TBC1D15: variants seen among roughly 807,000 people sequenced by gnomAD.
TBC1D15 encodes the protein GAP for RAB7.
In TBC1D15, 39 loss-of-function variants were observed where a neutral mutation model predicts 95.4. The ratio of observed to expected loss-of-function variants is 0.41; its 90% confidence interval spans 0.32 to 0.53. The LOEUF is 0.53. TBC1D15 is among the 20% of genes least tolerant of loss of function. TBC1D15 has a pLI of 0.29. For synonymous variants in TBC1D15, 258 were observed against 261.3 expected (o/e 0.99, Z 0.12); for missense variants, 733 against 794.3 (o/e 0.92, Z 0.93).
At position 71,894,810 on chromosome 12, in the gene TBC1D15, A is replaced by G; in HGVS notation, c.782A>G (p.Asp261Gly). The change falls in exon 7 of 17, where the codon GAT becomes GGT. Residue 261 changes from aspartate (D) to glycine (G), a missense_variant. Coordinates refer to ENST00000485960, the MANE Select transcript of TBC1D15 (RefSeq NM_001146213.3). Reference sequence around the variant, plus strand: ...CAACGACCACCTTCAGAAATGGCAGATTTTCTTAGTGATGCTATTCCAGGT... The same window carrying G: ...CAACGACCACCTTCAGAAATGGCAGGTTTTCTTAGTGATGCTATTCCAGGT... Reference protein sequence around the residue: ...THQRPPSEMADFLSDAIPGLK... With the variant: ...THQRPPSEMAGFLSDAIPGLK... 6.2e-7 allele frequency: 1 copy of G among 1,613,300 alleles called. No homozygotes were observed. The highest frequency in any genetic ancestry group is 8.5e-7 in the Non-Finnish European group (1 of 1,179,386).
At chr12:71,895,063 A>G (rs913056265) in intron 7 of TBC1D15, among the ~76,000 whole-genome samples, 180 bp downstream of exon 7, 2 of 152,004 alleles carry the variant, frequency 1.3e-5, no homozygotes, top group Non-Finnish European at 2.9e-5. Context: ...TTTGTTCTCT[A>G]TCTTATACTC....
intron 14 of TBC1D15, among the ~76,000 whole-genome samples, chr12:71,920,415 C>G (rs995779702): frequency 6.6e-6 from 1 of 152,164 alleles, no homozygotes; most frequent in Admixed American, 6.5e-5. Flanking sequence ...CTAACCCTTA[C>G]ACCTTAACCT....
chr12:71,916,930 T>C (rs954954064), intron 12 of TBC1D15, among the ~76,000 whole-genome samples: 3 of 152,232 alleles, frequency 2.0e-5, no homozygotes, highest in African/African-American at 4.8e-5. Flanking sequence ...TTGATGTTTA[T>C]GTGAAAAATT....
intron 16 of TBC1D15, among the ~76,000 whole-genome samples, chr12:71,921,824 C>A (rs1869469931): frequency 6.6e-6 from 1 of 152,046 alleles, no homozygotes; most frequent in South Asian, 2.1e-4. Flanking sequence ...ATAATTAAAT[C>A]AATATTATTT....
intron 1 of TBC1D15, among the ~76,000 whole-genome samples, chr12:71,848,945 A>C (rs770482410): frequency 5.9e-5 from 9 of 152,134 alleles, no homozygotes; most frequent in Non-Finnish European, 1.2e-4. Context: ...CTGTTGCCTC[A>C]CATCATGTCT....
At chr12:71,859,360 G>GTA (rs1418633165) in intron 1 of TBC1D15, among the ~76,000 whole-genome samples, 4 of 152,030 alleles carry the variant, frequency 2.6e-5, no homozygotes, top group African/African-American at 9.7e-5. Flanking sequence ...CTTGTTGGAT[G>GTA]TATAGTTTGC....
rs1398938175 is a variant in TBC1D15, at chr12:71,884,868, A to T, written c.401A>T (p.Asp134Val). 1.2e-6 allele frequency: 2 copies of T among 1,613,942 alleles called. No individual in the cohort carries two copies. Among genetic ancestry groups the T allele is most frequent in the Admixed American group, 1.7e-5 (1 of 60,002 alleles). ...SKWSFLFSLT[D>V]LKSIKQNKEG... ...TGGTCATTCCTGTTCAGTTTGACAG[A>T]CCTGAAATCAATCAAGCAAAACAAA... is the stretch of plus-strand genomic sequence containing the variant. The change falls in exon 5 of 17, where the codon GAC becomes GTC. Residue 134 changes from aspartate (D) to valine (V), a missense_variant. Transcript: ENST00000485960.
chr12:71,896,383 C>T (rs1254213324), intron 8 of TBC1D15: 3 of 430,474 alleles, frequency 7.0e-6, no homozygotes, highest in Non-Finnish European at 1.2e-5. Flanking sequence ...ATTCCAGTGG[C>T]ATTTGCCTTA....
Position 71,880,621 on chromosome 12 carries a change from C to A in TBC1D15, c.343+14C>A. ...ATACCAATGGAGGTATGAATTAAAT[C>A]TTTTGAAATCTTAAACTGATTTGCT... On this transcript the variant is annotated intron_variant, in intron 4 of 16. Transcript: ENST00000485960. 2 of 1,590,074 alleles carry A rather than the reference C, an allele frequency of 1.3e-6. No individual in the cohort carries two copies. The highest frequency in any genetic ancestry group is 4.5e-5 in the East Asian group (2 of 44,580).
At chr12:71,886,145 G>T (rs1283232557) in intron 5 of TBC1D15, among the ~76,000 whole-genome samples, 2 of 152,174 alleles carry the variant, frequency 1.3e-5, no homozygotes, top group African/African-American at 2.4e-5. Context: ...GAAGGGAGAA[G>T]TTGAGGTTTT....
chr12:71,871,023 C>G (rs890760640), intron 1 of TBC1D15, among the ~76,000 whole-genome samples: 6 of 151,966 alleles, frequency 3.9e-5, no homozygotes, highest in Non-Finnish European at 8.8e-5. Context: ...GTGAAAAGTT[C>G]TTAGGTCTAG....
intron 9 of TBC1D15, among the ~76,000 whole-genome samples, chr12:71,897,058 T>A (rs1429769256): frequency 6.6e-6 from 1 of 152,156 alleles, no homozygotes; most frequent in African/African-American, 2.4e-5. Context: ...ACTTGAAAGA[T>A]AACTACGTAG....
intron 1 of TBC1D15, among the ~76,000 whole-genome samples, chr12:71,845,301 C>T (rs1381088083): frequency 1.3e-5 from 2 of 152,012 alleles, no homozygotes; most frequent in Admixed American, 6.6e-5. Flanking sequence ...ACATTATGCA[C>T]CTTAGGCAGA....
At chr12:71,863,956 T>A (rs183645946) in intron 1 of TBC1D15, among the ~76,000 whole-genome samples, 10 of 152,292 alleles carry the variant, frequency 6.6e-5, no homozygotes, top group Non-Finnish European at 1.2e-4. Context: ...TGTATTTTTT[T>A]TGTATTTCAT....
At chr12:71,908,202 A>G (rs1901268348) in intron 11 of TBC1D15, among the ~76,000 whole-genome samples, 1 of 152,098 alleles carries the variant, frequency 6.6e-6, no homozygotes, top group Admixed American at 6.6e-5. Context: ...CGGTGGAAGT[A>G]GAAGTGTGAA....
intron 1 of TBC1D15, chr12:71,854,542 C>G (rs553901702): frequency 8.8e-6 from 4 of 456,180 alleles, no homozygotes; most frequent in Non-Finnish European, 1.8e-5. Context: ...ATTCTCTTTT[C>G]TGTTCTGTAC....
At chr12:71,851,840 G>A in intron 1 of TBC1D15, among the ~76,000 whole-genome samples, 1 of 152,136 alleles carries the variant, frequency 6.6e-6, no homozygotes, top group Non-Finnish European at 1.5e-5. Flanking sequence ...TCAAGGGCTG[G>A]TATTGTGTGC....
intron 3 of TBC1D15, 87 bp downstream of exon 3, chr12:71,873,090 C>T (rs1893036525): frequency 2.2e-6 from 2 of 904,232 alleles, no homozygotes; most frequent in Non-Finnish European, 3.4e-6. Context: ...CCATAAAATG[C>T]ATCCTTTTAA....
In TBC1D15 at chr12:71,918,433, T is replaced by G; in HGVS notation, c.1502-18T>G. 1 of 1,514,640 alleles carries G rather than the reference T, an allele frequency of 6.6e-7. No individual in the cohort carries two copies. The highest frequency in any genetic ancestry group is 9.0e-7 in the Non-Finnish European group (1 of 1,108,570). The allele number at this position is 1,514,640 out of a possible 1,614,324, so 93.8% of individuals were successfully genotyped here. A position where few individuals can be genotyped will look rare whatever the true frequency, so the allele number is the denominator to read the frequency against. ...AGCATAAGAGTAAGTCATATGTGTG[T>G]TTTTTTCTTCTGCATAGAATCTCAG... is the stretch of plus-strand genomic sequence containing the variant. On this transcript the variant is annotated intron_variant, in intron 13 of 16. Coordinates refer to ENST00000485960, the MANE Select transcript of TBC1D15 (RefSeq NM_001146213.3).
Sources: allele counts gnomAD v4.1 joint callset (sites outside exome capture counted in the v4.1 genomes callset), GRCh38; gene constraint gnomAD v4.1.1; transcripts MANE v1.5; gene names NCBI Gene and HGNC (gene_info 2026-07-23, HGNC 2026-07-21).